The following PTPN3 variants were observed in gnomAD, a reference collection of about 807,000 sequenced individuals.
PTPN3 encodes protein tyrosine phosphatase non-receptor type 3.
Under a neutral mutation model 132.7 loss-of-function variants are expected in PTPN3, and 96 were observed. That is an observed-to-expected ratio of 0.72 (90% CI 0.61 to 0.86). The LOEUF (loss-of-function observed/expected upper bound fraction) is 0.86, where lower values mean the gene tolerates loss of function less well. Ranked by LOEUF, PTPN3 falls within the 40% of genes least tolerant of loss-of-function variation. The probability of loss-of-function intolerance (pLI) is 0.00; values close to 1 mark genes in which losing one functional copy is unlikely to be tolerated. For missense variants in PTPN3, 1,125 were observed against 1,159.6 expected, an observed-to-expected ratio of 0.97 and a Z score of 0.43; for synonymous variants, 398 against 429.0, an observed-to-expected ratio of 0.93 and a Z score of 0.89.
rs374843319 is a variant in PTPN3, at chr9:109,404,615, C to T, written c.1793-7G>A. 2.7e-6 allele frequency: 4 copies of T among 1,475,898 alleles called. No homozygotes were observed. The highest frequency in any genetic ancestry group is 4.8e-5 in the East Asian group (2 of 41,782). 91.4% of individuals were successfully genotyped at this position (1,475,898 alleles called of 1,614,324 possible). A position where few individuals can be genotyped will look rare whatever the true frequency, so the allele number is the denominator to read the frequency against. On this transcript the variant is annotated splice_polypyrimidine_tract_variant and splice_region_variant and intron_variant, in intron 18 of 25. Coordinates refer to ENST00000374541, the MANE Select transcript of PTPN3 (RefSeq NM_002829.4). ...TCAGCAAATGAGCGGACAGCTGTAA[C>T]GTACAAGACAGTGCATCTGACTTGT...
rs1439701088 is a variant in PTPN3, at chr9:109,383,286, T to C, written c.2382+137A>G. 5.5e-6 allele frequency: 8 copies of C among 1,465,638 alleles called. No individual in the cohort carries two copies. The East Asian group carries it at 6.8e-5, about 13-fold the overall frequency. The allele number at this position is 1,465,638 out of a possible 1,614,324, so 90.8% of individuals were successfully genotyped here. On this transcript the variant is annotated intron_variant, in intron 23 of 25. Transcript: ENST00000374541. ...TGAACTCTGGGCCCTGGCTCTTTGATGGGCAGTCTTGCGCACTTACTGACA... is the reference window on the plus strand; with the variant it reads ...TGAACTCTGGGCCCTGGCTCTTTGACGGGCAGTCTTGCGCACTTACTGACA...
the PTPN3 span, among the ~76,000 whole-genome samples, chr9:109,506,514 TCTTTCCTTCCTTCCTCCCTCCCTC>T: frequency 3.3e-4 from 49 of 149,682 alleles, 1 homozygote; most frequent in Non-Finnish European, 1.5e-5. Context: ...CTTCCTTCCT[TCTTTCCTTCCTTCCTCCCTCCCTC>T]CTTTCCTCCC....
chr9:109,454,578 C>T lies in PTPN3; in HGVS notation c.290-4G>A, dbSNP rs541937773. On this transcript the variant is annotated splice_region_variant and splice_polypyrimidine_tract_variant and intron_variant, in intron 4 of 25. Coordinates refer to ENST00000374541, the MANE Select transcript of PTPN3 (RefSeq NM_002829.4). The stretch of plus-strand genomic sequence containing the variant: ...TGCAGGGTACAGGGGAAACCTCCTA[C>T]AACATTTTTCAAAAACAAATTAAAT... 30 of 1,608,658 alleles carry T rather than the reference C, an allele frequency of 1.9e-5. No homozygotes were observed. In the East Asian group the frequency reaches 4.7e-4, roughly 25 times the overall value.
At chr9:109,485,624 G>C (rs567868756) in intron 1 of PTPN3, among the ~76,000 whole-genome samples, 47 of 152,328 alleles carry the variant, frequency 3.1e-4, no homozygotes, top group Non-Finnish European at 5.9e-4. Flanking sequence ...TTCCCCAGGA[G>C]AGCTCCCCTT....
chr9:109,383,247 G>C, intron 23 of PTPN3, 176 bp downstream of exon 23: 1 of 1,105,702 alleles, frequency 9.0e-7, no homozygotes, highest in East Asian at 2.4e-5. Context: ...TGCCTGTTGT[G>C]ACTAGGGCCA....
chr9:109,448,786 A>C, intron 6 of PTPN3, 25 bp downstream of exon 6: 1 of 1,581,400 alleles, frequency 6.3e-7, no homozygotes, highest in Non-Finnish European at 8.6e-7. Flanking sequence ...CTAACAGGAA[A>C]AGAAAAATGT....
chr9:109,529,303 T>C, the PTPN3 span, among the ~76,000 whole-genome samples: 2 of 152,192 alleles, frequency 1.3e-5, no homozygotes, highest in African/African-American at 4.8e-5. Context: ...GAAATGCAAA[T>C]TCTCAGGCTC....
chr9:109,465,249 T>A (rs10979882), intron 1 of PTPN3, among the ~76,000 whole-genome samples: 1 of 151,962 alleles, frequency 6.6e-6, no homozygotes, highest in South Asian at 2.1e-4. Context: ...CATGACTATA[T>A]CACGTAGGTG....
Position 109,404,446 on chromosome 9 carries a change from AC to A in PTPN3, c.1953+1del. 1 of 1,431,728 alleles carries A rather than the reference AC, an allele frequency of 7.0e-7. No individual in the cohort carries two copies. Among genetic ancestry groups the A allele is most frequent in the South Asian group, 1.8e-5 (1 of 57,004 alleles). The allele number at this position is 1,431,728 out of a possible 1,614,324, so 88.7% of individuals were successfully genotyped here. On this transcript the variant is annotated splice_donor_variant, in intron 19 of 25. Coordinates refer to ENST00000374541, the MANE Select transcript of PTPN3 (RefSeq NM_002829.4). LOFTEE classifies it high-confidence loss of function. ...TGGGATTCAGCCTCCAGAGGGTCTT[AC>A]CTCAAACTGGATCAGCACCGTCCCG...
chr9:109,457,493 G>C (rs1443935015), intron 2 of PTPN3, 94 bp from the exon 3 acceptor site: 3 of 942,124 alleles, frequency 3.2e-6, no homozygotes, highest in Non-Finnish European at 4.9e-6. Context: ...AAAATATTCA[G>C]AAATGCTATG....
In PTPN3 at chr9:109,404,521, C is replaced by T. The variant is rs1473188936; in HGVS notation, c.1880G>A (p.Gly627Glu). 1 of 1,568,230 alleles carries T rather than the reference C, an allele frequency of 6.4e-7. No individual in the cohort carries two copies. The highest frequency in any genetic ancestry group is 1.7e-5 in the Admixed American group (1 of 57,828). ...TGCCATGGATCCCTCCAAAGTGTCC[C>T]CACCCTCCGGACACATGGGGAAAAT... is the stretch of plus-strand genomic sequence containing the variant. Reference protein sequence around the residue: ...EAIFPMCPEGGDTLEGSMAQL... With the variant: ...EAIFPMCPEGEDTLEGSMAQL... Residue 627 changes from glycine (G) to glutamate (E), a missense_variant, in exon 19 of 26, where the codon GGG becomes GAG. By Grantham distance (98) the Gly-to-Glu change is moderately conservative. Transcript: ENST00000374541.
chr9:109,438,480 G>A (rs1171008565), intron 7 of PTPN3, among the ~76,000 whole-genome samples: 1 of 152,168 alleles, frequency 6.6e-6, no homozygotes, highest in Non-Finnish European at 1.5e-5. Context: ...AGGACACAGA[G>A]GGAGAAAATT....
At chr9:109,451,438 G>C (rs1208526778) in intron 5 of PTPN3, 1 of 919,132 alleles carries the variant, frequency 1.1e-6, no homozygotes, top group East Asian at 1.2e-4. Context: ...AATTTTAGAA[G>C]AGACAGACAC....
intron 1 of PTPN3, among the ~76,000 whole-genome samples, chr9:109,497,343 C>T (rs996450982): frequency 2.6e-5 from 4 of 152,122 alleles, no homozygotes; most frequent in Non-Finnish European, 1.5e-5. Flanking sequence ...CCACTTAATC[C>T]ACTCAACAAC....
chr9:109,451,760 G>A (rs1044469375), intron 5 of PTPN3, among the ~76,000 whole-genome samples: 1 of 152,228 alleles, frequency 6.6e-6, no homozygotes, highest in African/African-American at 2.4e-5. Flanking sequence ...CAAACTCCTA[G>A]GTTGCACTGG....
At chr9:109,497,281 G>A (rs1336727735) in intron 1 of PTPN3, among the ~76,000 whole-genome samples, 2 of 152,116 alleles carry the variant, frequency 1.3e-5, no homozygotes, top group African/African-American at 4.8e-5. Flanking sequence ...CACGCCAACT[G>A]CTTGCTAGCT....
intron 12 of PTPN3, among the ~76,000 whole-genome samples, 198 bp downstream of exon 12, chr9:109,426,752 G>A (rs1843308727): frequency 6.6e-6 from 1 of 152,128 alleles, no homozygotes; most frequent in South Asian, 2.1e-4. Flanking sequence ...GTTGAGGGGA[G>A]AGAAATGCTG....
intron 1 of PTPN3, among the ~76,000 whole-genome samples, chr9:109,468,360 T>TG (rs1215451605): frequency 4.9e-4 from 75 of 151,952 alleles, no homozygotes; most frequent in African/African-American, 1.7e-3. Flanking sequence ...ACAGTTTTTT[T>TG]TTTTGTTTGT....
At chr9:109,529,773 T>C in the PTPN3 span, among the ~76,000 whole-genome samples, 4 of 152,346 alleles carry the variant, frequency 2.6e-5, no homozygotes, top group African/African-American at 9.6e-5. Context: ...ACCTTCATCT[T>C]GCAAAACTGA....
Sources: gnomAD v4.1 joint callset for allele counts (sites outside exome capture counted in the v4.1 genomes callset) on GRCh38, gnomAD v4.1.1 for gene constraint, MANE v1.5 for transcripts, NCBI Gene and HGNC (gene_info 2026-07-23, HGNC 2026-07-21) for gene names.